Variants in ATP8B1 observed in about 807,000 individuals in gnomAD.
The protein encoded by ATP8B1 is ATPase phospholipid transporting 8B1.
ATP8B1 carries 80 observed loss-of-function variants against 149.9 expected under a neutral mutation model. The ratio of observed to expected loss-of-function variants is 0.53; its 90% CI spans 0.45 to 0.64. The LOEUF is 0.64. ATP8B1 is among the 30% of genes least tolerant of loss of function. The pLI is 0.00. For synonymous variants in ATP8B1, 536 were observed against 562.8 expected, an observed-to-expected ratio of 0.95 and a Z score of 0.67; for missense variants, 1,247 against 1,552.6, an observed-to-expected ratio of 0.80 and a Z score of 3.31.
chr18:57,699,858 A>G (rs1913031551), intron 6 of ATP8B1, among the ~76,000 whole-genome samples: 1 of 152,054 alleles, frequency 6.6e-6, no homozygotes, highest in South Asian at 2.1e-4. Flanking sequence ...TGGCCAACCC[A>G]TATGTTTAGC....
intron 2 of ATP8B1, among the ~76,000 whole-genome samples, chr18:57,717,080 C>T (rs1359746090): frequency 1.3e-5 from 2 of 151,868 alleles, no homozygotes; most frequent in African/African-American, 4.8e-5. Flanking sequence ...ACCAGTGGGT[C>T]AATGAAGAAA....
chr18:57,698,150 ACCC>A (rs147894037), intron 6 of ATP8B1, among the ~76,000 whole-genome samples: 1 of 151,618 alleles, frequency 6.6e-6, no homozygotes, highest in Admixed American at 6.6e-5. Flanking sequence ...AATACTTGCC[ACCC>A]CCTTTTGTTT....
At chr18:57,661,102 A>AC (rs1315730886) in intron 22 of ATP8B1, 72 bp downstream of exon 22, 17 of 1,566,666 alleles carry the variant, frequency 1.1e-5, no homozygotes, top group Non-Finnish European at 1.4e-5. Flanking sequence ...AAGAAAATCC[A>AC]CCCCCTACAC....
At position 57,695,344 on chromosome 18, in the gene ATP8B1, A is replaced by T. The variant is rs1198556067; in HGVS notation, c.782-15T>A. ...TTCAATAAAACCTTTTAAAAATATA[A>T]GATTCACATAATTAATCACATACAA... On this transcript the variant is annotated splice_polypyrimidine_tract_variant and intron_variant, in intron 9 of 27. Transcript: ENST00000648908. 6.3e-7 allele frequency: 1 copy of T among 1,594,064 alleles called. No individual in the cohort carries two copies. Among genetic ancestry groups the T allele is most frequent in the Admixed American group, 1.7e-5 (1 of 59,878 alleles).
At chr18:57,756,210 T>TCAC (rs2080077864) in intron 1 of ATP8B1, among the ~76,000 whole-genome samples, 1 of 109,054 alleles carries the variant, frequency 9.2e-6, no homozygotes. Flanking sequence ...TATATATATA[T>TCAC]ACACACACAC....
intron 2 of ATP8B1, among the ~76,000 whole-genome samples, chr18:57,709,685 A>G (rs1450080515): frequency 6.8e-6 from 1 of 146,764 alleles, no homozygotes; most frequent in Non-Finnish European, 1.5e-5. Context: ...TTCTTTTTTC[A>G]TTTTTTTTTT....
At chr18:57,796,776 T>C (rs780868916) in intron 1 of ATP8B1, among the ~76,000 whole-genome samples, 30 of 152,216 alleles carry the variant, frequency 2.0e-4, no homozygotes, top group Non-Finnish European at 4.1e-4. Flanking sequence ...AACCTCCGCC[T>C]CCCGGATTCA....
At chr18:57,738,899 C>A (rs953405498) in intron 1 of ATP8B1, among the ~76,000 whole-genome samples, 3 of 152,096 alleles carry the variant, frequency 2.0e-5, no homozygotes, top group Non-Finnish European at 4.4e-5. Context: ...GCCATAACAC[C>A]CCTCAATGTG....
chr18:57,796,226 A>T (rs2080514346), intron 1 of ATP8B1, among the ~76,000 whole-genome samples: 1 of 152,208 alleles, frequency 6.6e-6, no homozygotes, highest in South Asian at 2.1e-4. Flanking sequence ...AGAAGACAAG[A>T]TCATAAGGAA....
chr18:57,756,092 A>G (rs1158851842), intron 1 of ATP8B1, among the ~76,000 whole-genome samples: 1 of 150,356 alleles, frequency 6.7e-6, no homozygotes, highest in Non-Finnish European at 1.5e-5. Flanking sequence ...TGACCCAATG[A>G]TGTCAGTTAT....
intron 11 of ATP8B1, among the ~76,000 whole-genome samples, chr18:57,693,128 A>G (rs1329919731): frequency 6.6e-6 from 1 of 152,246 alleles, no homozygotes; most frequent in Non-Finnish European, 1.5e-5. Context: ...GCAGGGGAAA[A>G]TGTTTCTTAA....
rs1913104877 is a variant in ATP8B1 at position 57,701,249 on chromosome 18, C to G, written c.458G>C (p.Gly153Ala). 6.2e-7 allele frequency: 1 copy of G among 1,614,078 alleles called. No homozygotes were observed. Among genetic ancestry groups the G allele is most frequent in the South Asian group, 1.1e-5 (1 of 91,088 alleles). Residue 153 changes from glycine to alanine, a missense_variant, in exon 5 of 28, where the codon GGC becomes GCC. Gly to Ala is a moderately conservative substitution (Grantham distance 60). Coordinates refer to ENST00000648908, the MANE Select transcript of ATP8B1 (RefSeq NM_001374385.1). ...CACCAGGTCTTTGATTGCAGTGACG[C>G]CCAGCACCACAAGCAGGGGCACTAG... is the stretch of plus-strand genomic sequence containing the variant. ...TTLVPLLVVL[G>A]VTAIKDLVDD...
intron 1 of ATP8B1, among the ~76,000 whole-genome samples, chr18:57,782,096 A>C (rs2080362148): frequency 6.6e-6 from 1 of 152,266 alleles, no homozygotes; most frequent in Non-Finnish European, 1.5e-5. Flanking sequence ...CAGCCTGGGA[A>C]GCACATGGGA....
At chr18:57,658,660 T>C (rs1568181887) in intron 22 of ATP8B1, among the ~76,000 whole-genome samples, 2 of 149,362 alleles carry the variant, frequency 1.3e-5, no homozygotes, top group East Asian at 4.3e-4. Flanking sequence ...TGTGTGTGTG[T>C]GTGTGTGTTC....
chr18:57,710,337 T>A (rs963966796), intron 2 of ATP8B1, among the ~76,000 whole-genome samples: 24 of 152,046 alleles, frequency 1.6e-4, no homozygotes, highest in African/African-American at 5.8e-4. Context: ...TCACCCTGAG[T>A]CTACTAAATG....
intron 2 of ATP8B1, among the ~76,000 whole-genome samples, chr18:57,719,063 A>G (rs1179106679): frequency 6.6e-6 from 1 of 152,222 alleles, no homozygotes; most frequent in Admixed American, 6.5e-5. Flanking sequence ...AAGTCAAATT[A>G]TCCTTGTTTG....
chr18:57,786,092 G>A (rs983712553), intron 1 of ATP8B1, among the ~76,000 whole-genome samples: 1 of 152,186 alleles, frequency 6.6e-6, no homozygotes, highest in African/African-American at 2.4e-5. Context: ...ACTATTTAAT[G>A]TGTAATTATA....
At chr18:57,703,883 A>G (rs960743621) in intron 4 of ATP8B1, among the ~76,000 whole-genome samples, 2 of 152,180 alleles carry the variant, frequency 1.3e-5, no homozygotes, top group Non-Finnish European at 1.5e-5. Context: ...TGGGGGGGAA[A>G]TTCAGCATCT....
intron 1 of ATP8B1, among the ~76,000 whole-genome samples, chr18:57,745,311 A>T (rs1176843599): frequency 6.6e-6 from 1 of 151,984 alleles, no homozygotes; most frequent in African/African-American, 2.4e-5. Flanking sequence ...TTGCTCTGTC[A>T]CCCAGGCTGT....
Sources: gnomAD v4.1 joint callset for allele counts (sites outside exome capture counted in the v4.1 genomes callset) on GRCh38, gnomAD v4.1.1 for gene constraint, MANE v1.5 for transcripts, NCBI Gene and HGNC (gene_info 2026-07-23, HGNC 2026-07-21) for gene names.